The following FRAS1 variants were observed in gnomAD, a reference collection of about 807,000 sequenced individuals.
FRAS1 encodes extracellular matrix organizing protein FRAS1.
In FRAS1, 290 loss-of-function variants were observed where a neutral mutation model predicts 435.2. The observed-to-expected ratio is 0.67, with a 90% CI of 0.61 to 0.73. FRAS1 has a LOEUF of 0.73. Ranked by LOEUF, FRAS1 falls within the 30% of genes least tolerant of loss-of-function variation. The probability of loss-of-function intolerance (pLI) is 0.00; values close to 1 mark genes in which losing one functional copy is unlikely to be tolerated. For synonymous variants in FRAS1, 1,800 were observed against 1,851.0 expected, an observed-to-expected ratio of 0.97 and a Z score of 0.71; for missense variants, 4,860 against 5,001.5, an observed-to-expected ratio of 0.97 and a Z score of 0.85.
chr4:78,306,049 G>A (rs966263897), intron 14 of FRAS1, among the ~76,000 whole-genome samples: 2 of 151,950 alleles, frequency 1.3e-5, no homozygotes, highest in African/African-American at 2.4e-5. Flanking sequence ...CTCTTTTATG[G>A]TAGGCCTGGT....
intron 2 of FRAS1, among the ~76,000 whole-genome samples, chr4:78,094,460 A>T (rs894459177): frequency 2.0e-5 from 3 of 151,848 alleles, no homozygotes; most frequent in African/African-American, 7.3e-5. Context: ...CATTATATTA[A>T]ATATATTTTT....
At chr4:78,312,790 C>T (rs1264619823) in intron 15 of FRAS1, among the ~76,000 whole-genome samples, 1 of 151,582 alleles carries the variant, frequency 6.6e-6, no homozygotes, top group African/African-American at 2.4e-5. Flanking sequence ...CATGATCGTG[C>T]TGCTGCACTC....
chr4:78,212,318 C>G (rs963528164), intron 2 of FRAS1, among the ~76,000 whole-genome samples: 3 of 152,160 alleles, frequency 2.0e-5, no homozygotes, highest in Non-Finnish European at 4.4e-5. Flanking sequence ...TGTGCATCGT[C>G]TTCCCTTTCT....
At chr4:78,122,990 A>T (rs183175204) in intron 2 of FRAS1, among the ~76,000 whole-genome samples, 25 of 152,180 alleles carry the variant, frequency 1.6e-4, no homozygotes, top group African/African-American at 5.8e-4. Flanking sequence ...ATTAGATCCC[A>T]TTTGTCAATT....
At chr4:78,089,398 G>A (rs956671518) in intron 2 of FRAS1, among the ~76,000 whole-genome samples, 3 of 151,898 alleles carry the variant, frequency 2.0e-5, no homozygotes, top group Non-Finnish European at 4.4e-5. Context: ...CCTGCACATT[G>A]TGCACATGTA....
intron 2 of FRAS1, among the ~76,000 whole-genome samples, chr4:78,183,513 A>T (rs1240200296): frequency 6.6e-6 from 1 of 152,050 alleles, no homozygotes; most frequent in Non-Finnish European, 1.5e-5. Context: ...AATGTATTGT[A>T]TTGTTTCTAT....
chr4:78,382,876 G>A (rs938843369), intron 27 of FRAS1, among the ~76,000 whole-genome samples: 4 of 152,154 alleles, frequency 2.6e-5, no homozygotes, highest in African/African-American at 7.2e-5. Flanking sequence ...TTTTTAAAAT[G>A]TTAGGTGAAT....
At chr4:78,376,381 G>A (rs144151282) in intron 26 of FRAS1, among the ~76,000 whole-genome samples, 186 of 152,168 alleles carry the variant, frequency 1.2e-3, no homozygotes, top group African/African-American at 4.0e-3. Context: ...GTAGGCAATC[G>A]TAACACAATA....
In FRAS1 at chr4:78,450,317, C is replaced by A; in HGVS notation, c.6441C>A (p.Phe2147Leu). Residue 2147 changes from phenylalanine (F) to leucine (L), a missense_variant, in exon 45 of 74, where the codon TTC becomes TTA. Phe to Leu is a conservative substitution (Grantham distance 22, BLOSUM62 0). Coordinates refer to ENST00000512123, the MANE Select transcript of FRAS1 (RefSeq NM_025074.7). ...QISIKGPIRS[F>L]TQADISQGHV... The stretch of plus-strand genomic sequence containing the variant: ...CTATTAAAGGCCCCATCCGAAGTTT[C>A]ACCCAGGCAGACATTAGCCAAGGTC... 1 of 1,613,880 alleles carries A rather than the reference C, an allele frequency of 6.2e-7. No individual in the cohort carries two copies. Among genetic ancestry groups the A allele is most frequent in the South Asian group, 1.1e-5 (1 of 91,078 alleles).
At chr4:78,146,051 T>C (rs1012483509) in intron 2 of FRAS1, among the ~76,000 whole-genome samples, 1 of 152,166 alleles carries the variant, frequency 6.6e-6, no homozygotes, top group Non-Finnish European at 1.5e-5. Flanking sequence ...CAGTCTCAGG[T>C]ATTTCTTTAT....
At chr4:78,260,811 G>T (rs1726055644) in intron 6 of FRAS1, among the ~76,000 whole-genome samples, 1 of 152,134 alleles carries the variant, frequency 6.6e-6, no homozygotes, top group African/African-American at 2.4e-5. Flanking sequence ...TCCAGTTTTT[G>T]CCCATTCAGT....
intron 20 of FRAS1, among the ~76,000 whole-genome samples, chr4:78,340,808 A>G (rs1406310124): frequency 6.6e-6 from 1 of 152,152 alleles, no homozygotes; most frequent in African/African-American, 2.4e-5. Flanking sequence ...CTCTTTGCAC[A>G]TGTGCCCCTG....
intron 2 of FRAS1, among the ~76,000 whole-genome samples, chr4:78,216,206 C>G (rs1415192135): frequency 6.6e-6 from 1 of 152,206 alleles, no homozygotes; most frequent in African/African-American, 2.4e-5. Flanking sequence ...TTGTTCTTTC[C>G]CATGAAATGG....
chr4:78,247,887 A>T (rs1054931156), intron 4 of FRAS1, among the ~76,000 whole-genome samples: 3 of 152,134 alleles, frequency 2.0e-5, no homozygotes, highest in Non-Finnish European at 4.4e-5. Flanking sequence ...GATTGAGAAG[A>T]GGATTTAGGA....
At chr4:78,241,088 T>C (rs1359743387) in intron 3 of FRAS1, among the ~76,000 whole-genome samples, 1 of 151,566 alleles carries the variant, frequency 6.6e-6, no homozygotes, top group African/African-American at 2.4e-5. Flanking sequence ...AAGGAGTGAA[T>C]GGAAAGTGGG....
At chr4:78,328,565 T>C (rs1729807276) in intron 18 of FRAS1, among the ~76,000 whole-genome samples, 2 of 152,254 alleles carry the variant, frequency 1.3e-5, no homozygotes, top group Non-Finnish European at 2.9e-5. Flanking sequence ...AATAAGGTGC[T>C]AAAGTATATC....
chr4:78,506,238 C>T (rs112364295), intron 61 of FRAS1, among the ~76,000 whole-genome samples: 7 of 152,354 alleles, frequency 4.6e-5, no homozygotes, highest in African/African-American at 1.7e-4. Flanking sequence ...TCTGTCTGTT[C>T]TCTGAGCTCA....
At chr4:78,455,198 G>A (rs1358022926) in intron 47 of FRAS1, among the ~76,000 whole-genome samples, 1 of 152,176 alleles carries the variant, frequency 6.6e-6, no homozygotes, top group African/African-American at 2.4e-5. Context: ...TTCTGTTTCA[G>A]TTAGCCAGGA....
chr4:78,513,693 T>A, intron 65 of FRAS1, 141 bp downstream of exon 65: 1 of 732,322 alleles, frequency 1.4e-6, no homozygotes, highest in East Asian at 2.5e-5. Context: ...CTAGCACACA[T>A]GCAAATGCCA....
Sources: allele counts gnomAD v4.1 joint callset (sites outside exome capture counted in the v4.1 genomes callset), GRCh38; gene constraint gnomAD v4.1.1; transcripts MANE v1.5; gene names NCBI Gene and HGNC (gene_info 2026-07-23, HGNC 2026-07-21).